Variants in COX15 observed in about 807,000 individuals in gnomAD.
COX15 encodes the protein heme A synthase COX15.
Under a neutral mutation model 51.9 loss-of-function variants are expected in COX15, and 51 were observed. That is an observed-to-expected ratio of 0.98 (90% CI 0.78 to 1.24). The LOEUF (loss-of-function observed/expected upper bound fraction) is 1.24, where lower values mean the gene tolerates loss of function less well. Ranked by LOEUF, COX15 falls within the 50% of genes most tolerant of loss-of-function variation. COX15 has a pLI of 0.00. For missense variants in COX15, 420 were observed against 501.1 expected, an observed-to-expected ratio of 0.84 and a Z score of 1.55; for synonymous variants, 188 against 190.5, an observed-to-expected ratio of 0.99 and a Z score of 0.11.
chr10:99,728,853 A>T (rs188778384), intron 2 of COX15, among the ~76,000 whole-genome samples: 1 of 152,350 alleles, frequency 6.6e-6, no homozygotes, highest in African/African-American at 2.4e-5. Context: ...GGAGTGTCTA[A>T]ATCTATAGTC....
At chr10:99,721,664 A>G (rs566997792) in intron 5 of COX15, among the ~76,000 whole-genome samples, 110 of 152,314 alleles carry the variant, frequency 7.2e-4, no homozygotes, top group Non-Finnish European at 9.6e-4. Context: ...ACACTCTACT[A>G]TATGAAAAGT....
chr10:99,699,477 C>A, the COX15 span, among the ~76,000 whole-genome samples: 2 of 152,178 alleles, frequency 1.3e-5, no homozygotes, highest in Non-Finnish European at 2.9e-5. Flanking sequence ...AGCTTTCTAT[C>A]ATTTTCTGCT....
rs2036428899 is a variant in COX15 at position 99,712,562 on chromosome 10, T to C, written c.*2025A>G. On this transcript the variant is annotated 3_prime_UTR_variant, in exon 9 of 9. Coordinates refer to ENST00000016171, the MANE Select transcript of COX15 (RefSeq NM_078470.6). ...CAGATGTTCTTCCTTTGTATTTGTA[T>C]TGTCACTGTATGGAATCTAGGTATA... is the stretch of plus-strand genomic sequence containing the variant. 1.0e-6 allele frequency: 1 copy of C among 984,776 alleles called. No homozygotes were observed. Among genetic ancestry groups the C allele is most frequent in the African/African-American group, 1.7e-5 (1 of 57,222 alleles). The allele number at this position is 984,776 out of a possible 1,614,324, so 61.0% of individuals were successfully genotyped here. A position where few individuals can be genotyped will look rare whatever the true frequency, so the allele number is the denominator to read the frequency against.
In COX15 at chr10:99,712,682, T is replaced by C. The variant is rs999151068; in HGVS notation, c.*1905A>G. On this transcript the variant is annotated 3_prime_UTR_variant, in exon 9 of 9. Transcript: ENST00000016171. ...ATCTAACAACCCTGGACCTGTAGAG[T>C]GGCAGCAACAGACCAGAACTCAGCA... 38 of 903,318 alleles carry C rather than the reference T, an allele frequency of 4.2e-5. 1 individual carries two copies. In the Middle Eastern group the frequency reaches 1.7e-3, roughly 40 times the overall value. The allele number at this position is 903,318 out of a possible 1,614,324, so 56.0% of individuals were successfully genotyped here. A position where few individuals can be genotyped will look rare whatever the true frequency, so the allele number is the denominator to read the frequency against.
chr10:99,700,754 G>T, the COX15 span: 1 of 586,750 alleles, frequency 1.7e-6, no homozygotes, highest in Non-Finnish European at 3.0e-6. Context: ...AGCCTAAGAG[G>T]CTCAGAAGCC....
the COX15 span, chr10:99,702,576 G>C: frequency 6.8e-6 from 11 of 1,613,098 alleles, 1 homozygote; most frequent in Middle Eastern, 1.7e-4. Flanking sequence ...CTTTCCCTAT[G>C]ACTACCCAAA....
chr10:99,702,990 T>G, the COX15 span, among the ~76,000 whole-genome samples: 1,017 of 152,318 alleles, frequency 6.7e-3, 11 homozygotes, highest in African/African-American at 0.023. Flanking sequence ...TCCAAGATAC[T>G]GACAAGCTAA....
chr10:99,706,461 G>C (rs1265104841), downstream of COX15, among the ~76,000 whole-genome samples: 1 of 151,722 alleles, frequency 6.6e-6, no homozygotes, highest in Non-Finnish European at 1.5e-5. Context: ...TCAGACTCCA[G>C]AGTAGCTGGG....
rs2036364416 is a variant in COX15 at position 99,710,987 on chromosome 10, T to C, written c.*3600A>G. 1 of 985,034 alleles carries C rather than the reference T, an allele frequency of 1.0e-6. No homozygotes were observed. The highest frequency in any genetic ancestry group is 1.7e-5 in the African/African-American group (1 of 57,306). The allele number at this position is 985,034 out of a possible 1,614,324, so 61.0% of individuals were successfully genotyped here. On this transcript the variant is annotated 3_prime_UTR_variant, in exon 9 of 9. Transcript: ENST00000016171. ...AATCCTATAGGTATGTGATGACTTG[T>C]TTTTTTGGAAAAAGGTATTTGGAAC...
intron 4 of COX15, among the ~76,000 whole-genome samples, chr10:99,726,229 C>A (rs1470267239): frequency 6.6e-6 from 1 of 152,158 alleles, no homozygotes; most frequent in East Asian, 1.9e-4. Context: ...CATTCTAGCA[C>A]AGGGATCCCT....
intron 5 of COX15, among the ~76,000 whole-genome samples, chr10:99,721,811 AT>A (rs2036782356): frequency 6.6e-6 from 1 of 152,198 alleles, no homozygotes; most frequent in South Asian, 2.1e-4. Context: ...TAAATAAAAA[AT>A]TAATTTTATT....
chr10:99,702,497 AT>A, the COX15 span: 2 of 1,517,696 alleles, frequency 1.3e-6, no homozygotes, highest in East Asian at 2.5e-5. Context: ...AAATTTAATT[AT>A]TTTTGTCACA....
the COX15 span, among the ~76,000 whole-genome samples, chr10:99,698,314 A>G: frequency 2.0e-5 from 3 of 152,214 alleles, no homozygotes; most frequent in African/African-American, 7.2e-5. Flanking sequence ...TGTTGACTAA[A>G]ATGTCGAACA....
At chr10:99,702,354 T>C in the COX15 span, among the ~76,000 whole-genome samples, 1 of 152,166 alleles carries the variant, frequency 6.6e-6, no homozygotes, top group Admixed American at 6.5e-5. Context: ...ACAAGATAAG[T>C]AGGCTGACTT....
chr10:99,730,832 G>A (rs2037114613), intron 1 of COX15, among the ~76,000 whole-genome samples: 1 of 152,172 alleles, frequency 6.6e-6, no homozygotes, highest in African/African-American at 2.4e-5. Context: ...AGGCCAAGGT[G>A]AGAGGATCAC....
intron 1 of COX15, among the ~76,000 whole-genome samples, chr10:99,730,823 G>A (rs977573270): frequency 6.6e-6 from 1 of 152,154 alleles, no homozygotes; most frequent in African/African-American, 2.4e-5. Context: ...GGCTTTGGGA[G>A]GCCAAGGTGA....
At position 99,714,611 on chromosome 10, in the gene COX15, A is replaced by C; in HGVS notation, c.1209T>G (p.Asn403Lys). 6.2e-7 allele frequency: 1 copy of C among 1,614,130 alleles called. No homozygotes were observed. The highest frequency in any genetic ancestry group is 2.2e-5 in the East Asian group (1 of 44,880). The change falls in exon 9 of 9, where the codon AAT becomes AAG. Residue 403 changes from asparagine (N) to lysine (K), a missense_variant. By Grantham distance (94) the Asn-to-Lys change is moderately conservative. Transcript: ENST00000016171. ...ATCATTTTGGGACTCTTCGGAGTTC[A>C]TTCATCAGCCAAAGAGCACCAGTGA... ...ALLTGALWLM[N>K]ELRRVPK
At chr10:99,721,100 T>G (rs1305312694) in intron 5 of COX15, 32 bp from the exon 6 acceptor site, 1 of 1,565,956 alleles carries the variant, frequency 6.4e-7, no homozygotes, top group African/African-American at 1.3e-5. Flanking sequence ...TCAGTTAAAC[T>G]GTGTTGCAGG....
intron 2 of COX15, among the ~76,000 whole-genome samples, chr10:99,728,362 C>A (rs1328208839): frequency 3.9e-5 from 6 of 152,114 alleles, no homozygotes; most frequent in South Asian, 4.1e-4. Context: ...TCATAATGAG[C>A]CTTAAAAATT....
Sources: allele counts gnomAD v4.1 joint callset (sites outside exome capture counted in the v4.1 genomes callset), GRCh38; gene constraint gnomAD v4.1.1; transcripts MANE v1.5; gene names NCBI Gene and HGNC (gene_info 2026-07-23, HGNC 2026-07-21).